Variants in OPCML observed in about 807,000 individuals in gnomAD.
OPCML encodes opioid binding protein/cell adhesion molecule like.
A neutral mutation model predicts 37.8 loss-of-function variants in OPCML; 13 were observed. The ratio of observed to expected loss-of-function variants is 0.34; its 90% CI spans 0.22 to 0.55. The LOEUF is 0.55. Among genes scored for constraint, OPCML ranks in the 20% least tolerant of loss-of-function variants. The pLI is 0.91. For missense variants in OPCML, 341 were observed against 435.6 expected (o/e 0.78, Z 1.93); for synonymous variants, 176 against 168.8 (o/e 1.04, Z -0.33).
At chr11:132,582,245 T>C (rs1239480713) in intron 3 of OPCML, among the ~76,000 whole-genome samples, 1 of 151,096 alleles carries the variant, frequency 6.6e-6, no homozygotes, top group East Asian at 2.0e-4. Context: ...TAGAACAACC[T>C]AAAAACAGTT....
At chr11:132,504,157 TAAGG>T (rs1026030245) in intron 4 of OPCML, among the ~76,000 whole-genome samples, 1 of 152,166 alleles carries the variant, frequency 6.6e-6, no homozygotes, top group South Asian at 2.1e-4. Flanking sequence ...ACAATACTAA[TAAGG>T]AAGATAGACT....
chr11:132,443,439 C>G (rs1040751285), intron 4 of OPCML, among the ~76,000 whole-genome samples: 1 of 152,206 alleles, frequency 6.6e-6, no homozygotes, highest in Non-Finnish European at 1.5e-5. Flanking sequence ...AGTTTCCCTG[C>G]TGCCCAGCAA....
At chr11:132,480,369 T>G (rs1397418328) in intron 4 of OPCML, among the ~76,000 whole-genome samples, 1 of 152,060 alleles carries the variant, frequency 6.6e-6, no homozygotes, top group East Asian at 1.9e-4. Context: ...TGGGACTATG[T>G]GAAAAGACCA....
At chr11:132,478,460 C>T (rs891117966) in intron 4 of OPCML, among the ~76,000 whole-genome samples, 9 of 152,088 alleles carry the variant, frequency 5.9e-5, no homozygotes, top group Non-Finnish European at 1.2e-4. Flanking sequence ...AGACAGATAA[C>T]GGGATACACA....
chr11:133,031,481 G>A (rs1225780330), intron 1 of OPCML, among the ~76,000 whole-genome samples: 1 of 149,370 alleles, frequency 6.7e-6, no homozygotes, highest in East Asian at 2.0e-4. Flanking sequence ...ATGGGTAGGT[G>A]AATGGATGGA....
chr11:133,419,321 C>T, intron 1 of OPCML: 1 of 985,384 alleles, frequency 1.0e-6, no homozygotes, highest in Non-Finnish European at 1.2e-6. Flanking sequence ...GGAAAATAGG[C>T]ATGAATCTCA....
intron 1 of OPCML, among the ~76,000 whole-genome samples, chr11:133,028,894 CA>C (rs56272022): frequency 0.54 from 76,079 of 140,020 alleles, 19,669 homozygotes; most frequent in Admixed American, 0.58. Context: ...CTGCACACAG[CA>C]AAAAAAAAAA....
At chr11:133,484,761 A>C (rs1341131744) in intron 1 of OPCML, among the ~76,000 whole-genome samples, 2 of 152,158 alleles carry the variant, frequency 1.3e-5, no homozygotes, top group African/African-American at 4.8e-5. Context: ...TGTCATGGAC[A>C]CTAGAAGCTT....
chr11:132,667,956 C>T (rs1413775729), intron 2 of OPCML, among the ~76,000 whole-genome samples: 1 of 152,064 alleles, frequency 6.6e-6, no homozygotes, highest in East Asian at 1.9e-4. Context: ...TGGGTTTATC[C>T]CGTGTTGGAG....
chr11:133,049,477 C>T (rs1948089985), intron 1 of OPCML, among the ~76,000 whole-genome samples: 1 of 152,134 alleles, frequency 6.6e-6, no homozygotes, highest in Admixed American at 6.5e-5. Context: ...ACTTCTATGG[C>T]CCTTAGTGTC....
Position 132,717,333 on chromosome 11 carries a change from C to T in OPCML, c.147-60014G>A, listed in dbSNP as rs939018445. Among the ~76,000 whole-genome samples the T allele has an allele frequency of 5.3e-5, 8 of 151,950 alleles. No homozygotes were observed. In the South Asian group the frequency reaches 6.2e-4, roughly 12 times the overall value. ...AAACACCCTAATATTTAATAACAGA[C>T]GTGGACTTAAAGAAGCATGGCACTG... On this transcript the variant is annotated intron_variant, in intron 2 of 7. Transcript: ENST00000524381.
intron 1 of OPCML, among the ~76,000 whole-genome samples, chr11:133,495,766 ATTTG>A (rs764353127): frequency 6.7e-5 from 10 of 149,140 alleles, no homozygotes; most frequent in Non-Finnish European, 1.5e-4. Flanking sequence ...TTTCTTACTG[ATTTG>A]TTTGACTTTG....
intron 1 of OPCML, among the ~76,000 whole-genome samples, chr11:133,506,556 G>A (rs1325508013): frequency 2.0e-5 from 3 of 152,144 alleles, no homozygotes; most frequent in East Asian, 1.9e-4. Flanking sequence ...ATCTGTGAAT[G>A]GATTAGCAAC....
At chr11:133,103,712 T>C (rs1008475212) in intron 1 of OPCML, among the ~76,000 whole-genome samples, 1 of 152,356 alleles carries the variant, frequency 6.6e-6, no homozygotes, top group East Asian at 1.9e-4. Context: ...CACTCACTAT[T>C]ACCTACAGGC....
chr11:132,662,689 C>T (rs538542581), intron 2 of OPCML, among the ~76,000 whole-genome samples: 50 of 152,352 alleles, frequency 3.3e-4, no homozygotes, highest in African/African-American at 1.2e-3. Flanking sequence ...AAGAAATGCC[C>T]TTCCATGGCC....
chr11:133,278,673 A>C (rs776130414), intron 1 of OPCML, among the ~76,000 whole-genome samples: 1 of 152,190 alleles, frequency 6.6e-6, no homozygotes. Flanking sequence ...AATTTTAGCT[A>C]AAGATTCAAG....
chr11:133,013,749 G>T (rs530148559), intron 1 of OPCML, among the ~76,000 whole-genome samples: 1 of 152,280 alleles, frequency 6.6e-6, no homozygotes, highest in South Asian at 2.1e-4. Context: ...CTCAAGGTGG[G>T]ATTTATTTGT....
chr11:133,267,499 G>T (rs1228664786), intron 1 of OPCML, among the ~76,000 whole-genome samples: 1 of 152,134 alleles, frequency 6.6e-6, no homozygotes, highest in Non-Finnish European at 1.5e-5. Flanking sequence ...TTTGGTACCT[G>T]CATCATAACA....
intron 1 of OPCML, among the ~76,000 whole-genome samples, chr11:133,359,443 G>A (rs1388435864): frequency 6.6e-6 from 1 of 152,182 alleles, no homozygotes; most frequent in Non-Finnish European, 1.5e-5. Flanking sequence ...TATGACTAGT[G>A]CTGACATCAG....
Sources: gnomAD v4.1 joint callset for allele counts (sites outside exome capture counted in the v4.1 genomes callset) on GRCh38, gnomAD v4.1.1 for gene constraint, MANE v1.5 for transcripts, NCBI Gene and HGNC (gene_info 2026-07-23, HGNC 2026-07-21) for gene names.